The following CUX1 variants were observed in gnomAD, a reference collection of about 807,000 sequenced individuals.
The protein encoded by CUX1 is cut like homeobox 1, also known as protein CASP.
A neutral mutation model predicts 158.8 loss-of-function variants in CUX1; 31 were observed. The ratio of observed to expected loss-of-function variants is 0.20; its 90% CI spans 0.15 to 0.26. The LOEUF is 0.26. Among genes scored for constraint, CUX1 ranks in the 10% least tolerant of loss-of-function variants. The probability of loss-of-function intolerance (pLI) is 1.00; values close to 1 mark genes in which losing one functional copy is unlikely to be tolerated. For synonymous variants in CUX1, 879 were observed against 862.1 expected (o/e 1.02, Z -0.34); for missense variants, 1,589 against 2,014.6 (o/e 0.79, Z 4.04).
chr7:102,201,598 C>G lies in CUX1; in HGVS notation c.2301C>G (p.Pro767=). The stretch of plus-strand genomic sequence containing the variant: ...CTCTCGCCATCTCCCTGAAGAAGCC[C>G]TCCGCAGCTCCTGAGGCCGGTGCCT... ...YPPLAISLKK[P]SAAPEAGASA... is the part of the protein sequence containing the mutation. The change falls in exon 18 of 24, where the codon CCC becomes CCG. Residue 767 remains proline (P), a synonymous_variant. Transcript: ENST00000292535. The surrounding 1 kb of genome is among the most constrained non-coding windows in gnomAD (Gnocchi z 5.0). 1 of 1,614,104 alleles carries G rather than the reference C, an allele frequency of 6.2e-7. No homozygotes were observed. The highest frequency in any genetic ancestry group is 8.5e-7 in the Non-Finnish European group (1 of 1,180,012).
intron 2 of CUX1, among the ~76,000 whole-genome samples, chr7:101,987,354 G>C (rs1002305899): frequency 1.3e-5 from 2 of 152,146 alleles, no homozygotes; most frequent in Non-Finnish European, 2.9e-5. Context: ...GCTCACTCAC[G>C]GCTCAGATAC....
chr7:102,147,000 T>C (rs1585902887), intron 8 of CUX1, among the ~76,000 whole-genome samples: 1 of 152,298 alleles, frequency 6.6e-6, no homozygotes, highest in East Asian at 1.9e-4. Context: ...AGAGGTGACA[T>C]CCTGGCCGTT....
chr7:102,222,713 A>T (rs1307233431), intron 20 of CUX1, among the ~76,000 whole-genome samples: 3 of 150,936 alleles, frequency 2.0e-5, no homozygotes, highest in African/African-American at 7.3e-5. Flanking sequence ...ACTAACGCAC[A>T]CTTGGGCGCA....
intron 17 of CUX1, among the ~76,000 whole-genome samples, chr7:102,200,386 G>A (rs1380145215): frequency 1.3e-5 from 2 of 151,900 alleles, no homozygotes; most frequent in Non-Finnish European, 1.5e-5. Flanking sequence ...TCTGTTGCCT[G>A]TGCTGGAGTG....
intron 2 of CUX1, among the ~76,000 whole-genome samples, chr7:102,019,107 C>T (rs1819027576): frequency 6.6e-6 from 1 of 152,226 alleles, no homozygotes; most frequent in Non-Finnish European, 1.5e-5. Context: ...TGCCCTTCTT[C>T]TTAGTCCTTT....
intron 4 of CUX1, among the ~76,000 whole-genome samples, chr7:102,071,916 C>G (rs1188301939): frequency 6.6e-6 from 1 of 152,202 alleles, no homozygotes; most frequent in Admixed American, 6.5e-5. Context: ...TAAACTTTTG[C>G]TGTCTTAGGA....
chr7:101,972,981 C>T (rs1056777866), intron 2 of CUX1, among the ~76,000 whole-genome samples: 3 of 152,168 alleles, frequency 2.0e-5, no homozygotes, highest in Admixed American at 6.5e-5. Flanking sequence ...CCAGTGCAGC[C>T]AGCCACTGCC....
At chr7:101,994,735 G>A (rs1815608647) in intron 2 of CUX1, among the ~76,000 whole-genome samples, 1 of 152,048 alleles carries the variant, frequency 6.6e-6, no homozygotes, top group African/African-American at 2.4e-5. Context: ...GAATGTTCCA[G>A]AAGGTCTTGG....
intron 4 of CUX1, among the ~76,000 whole-genome samples, chr7:102,083,272 T>C (rs1827636266): frequency 6.8e-6 from 1 of 147,232 alleles, no homozygotes; most frequent in Non-Finnish European, 1.5e-5. Context: ...GCATTTTTGC[T>C]TTCATAGATT....
intron 2 of CUX1, among the ~76,000 whole-genome samples, chr7:101,990,024 T>C (rs1019417259): frequency 6.6e-6 from 1 of 152,048 alleles, no homozygotes; most frequent in African/African-American, 2.4e-5. Flanking sequence ...TAGAGAAATA[T>C]TTGAGTGAAA....
chr7:102,169,574 T>G (rs1791485963), intron 9 of CUX1, among the ~76,000 whole-genome samples: 1 of 152,236 alleles, frequency 6.6e-6, no homozygotes, highest in East Asian at 1.9e-4. Context: ...TCCTGGGCAC[T>G]TCCGTGGCTA....
At chr7:101,830,993 C>T (rs1175126599) in intron 1 of CUX1, among the ~76,000 whole-genome samples, 1 of 151,986 alleles carries the variant, frequency 6.6e-6, no homozygotes, top group Non-Finnish European at 1.5e-5. Flanking sequence ...CCTGATGACT[C>T]GAATGGATCC....
intron 10 of CUX1, among the ~76,000 whole-genome samples, chr7:102,172,887 C>T (rs1791887350): frequency 6.6e-6 from 1 of 152,020 alleles, no homozygotes; most frequent in Non-Finnish European, 1.5e-5. Flanking sequence ...AATATCGAAA[C>T]CCCATCTCTA....
In CUX1 at chr7:102,248,170, T is replaced by TG. The variant is rs76067129; in HGVS notation, c.3888-241dup. On this transcript the variant is annotated intron_variant, in intron 23 of 23. Transcript: ENST00000292535. This position sits in a 1 kb window ranked among gnomAD's most constrained non-coding sequence, Gnocchi z 5.8. ...AAAATAAGTGCCCGCGGCAATTTGT[T>TG]GCAGTGGAGAATAGGGGAGTGGTGT... 5.4e-4 allele frequency among the ~76,000 whole-genome samples: 82 copies of TG among 152,224 alleles called. 2 individuals carry two copies. In the East Asian group the frequency reaches 0.016, roughly 29 times the overall value.
chr7:102,195,694 G>C, intron 14 of CUX1, 91 bp downstream of exon 14: 1 of 1,175,066 alleles, frequency 8.5e-7, no homozygotes, highest in Non-Finnish European at 1.2e-6. Context: ...AGTCTGGACA[G>C]ATGCATGGCC....
At chr7:102,140,054 A>G (rs1378122935) in intron 8 of CUX1, among the ~76,000 whole-genome samples, 1 of 152,066 alleles carries the variant, frequency 6.6e-6, no homozygotes, top group African/African-American at 2.4e-5. Context: ...ACTTCCAACA[A>G]AGTATTTGAG....
At chr7:101,881,484 C>CT (rs1289077916) in intron 1 of CUX1, among the ~76,000 whole-genome samples, 1 of 152,224 alleles carries the variant, frequency 6.6e-6, no homozygotes, top group African/African-American at 2.4e-5. Flanking sequence ...TTCCTCCTCG[C>CT]TGGCTCAGGA....
At chr7:102,035,681 A>C (rs1462364467) in intron 3 of CUX1, among the ~76,000 whole-genome samples, 1 of 150,544 alleles carries the variant, frequency 6.6e-6, no homozygotes, top group African/African-American at 2.4e-5. Context: ...CTATAGCTAG[A>C]AATGAATGTA....
At chr7:102,200,011 C>A in intron 16 of CUX1, 60 bp from the exon 17 acceptor site, 1 of 1,425,908 alleles carries the variant, frequency 7.0e-7, no homozygotes, top group Non-Finnish European at 9.7e-7. Flanking sequence ...CGTCTTCGCG[C>A]AGCGCTGATT....
Sources: allele counts gnomAD v4.1 joint callset (sites outside exome capture counted in the v4.1 genomes callset), GRCh38; gene constraint gnomAD v4.1.1; non-coding constraint Gnocchi (gnomAD v3.1); transcripts MANE v1.5; gene names NCBI Gene and HGNC (gene_info 2026-07-23, HGNC 2026-07-21).